RGS12: variants seen among roughly 807,000 people sequenced by gnomAD.
RGS12 encodes the protein regulator of G protein signaling 12.
Under a neutral mutation model 120.1 loss-of-function variants are expected in RGS12, and 66 were observed. That is an observed-to-expected ratio of 0.55 (90% confidence interval 0.45 to 0.67). RGS12 has a LOEUF of 0.67. Among genes scored for constraint, RGS12 ranks in the 30% least tolerant of loss-of-function variants. The pLI, the probability that RGS12 is intolerant of heterozygous loss-of-function variation, is 0.00. For missense variants in RGS12, 1,859 were observed against 1,957.7 expected, an observed-to-expected ratio of 0.95 and a Z score of 0.95; for synonymous variants, 827 against 804.7, an observed-to-expected ratio of 1.03 and a Z score of -0.47.
At chr4:3,424,606 TG>T (rs1723407961) in intron 13 of RGS12, among the ~76,000 whole-genome samples, 2 of 152,162 alleles carry the variant, frequency 1.3e-5, no homozygotes, top group Non-Finnish European at 2.9e-5. Flanking sequence ...GTGGCATGGT[TG>T]GGGGGCACCA....
At chr4:3,352,106 C>A (rs1247058980) in intron 3 of RGS12, among the ~76,000 whole-genome samples, 1 of 152,014 alleles carries the variant, frequency 6.6e-6, no homozygotes, top group African/African-American at 2.4e-5. Flanking sequence ...AACATTAAAC[C>A]GGGTGTGCAG....
chr4:3,301,549 A>G (rs974951262), intron 1 of RGS12, among the ~76,000 whole-genome samples: 5 of 151,934 alleles, frequency 3.3e-5, no homozygotes, highest in Non-Finnish European at 7.4e-5. Flanking sequence ...GGCTAAGGAG[A>G]GGCCCGCCAG....
rs1560182947 is a variant in RGS12, at chr4:3,433,523, CCT to C, written c.4114+2569_4114+2570del. Reference sequence around the variant, plus strand: ...AGCACCACGTGCCATGCCACCCTGTCCTAGCCCCAATGCCACATGCCACACCA... The same window carrying C: ...AGCACCACGTGCCATGCCACCCTGTCAGCCCCAATGCCACATGCCACACCA... On this transcript the variant is annotated intron_variant, in intron 17 of 17. Coordinates refer to ENST00000336727, the MANE Select transcript of RGS12 (RefSeq NM_001394154.1). This position sits in a 1 kb window ranked among gnomAD's most constrained non-coding sequence, Gnocchi z 4.4. 6.9e-6 allele frequency among the ~76,000 whole-genome samples: 1 copy of C among 145,126 alleles called. No individual in the cohort carries two copies. The highest frequency in any genetic ancestry group is 2.1e-4 in the East Asian group (1 of 4,870).
chr4:3,385,974 A>C (rs1718800614), intron 3 of RGS12: 1 of 181,124 alleles, frequency 5.5e-6, no homozygotes, highest in African/African-American at 2.4e-5. Context: ...GGGTGGCGTC[A>C]TGGCACACAG....
Position 3,316,971 on chromosome 4 carries a change from A to G in RGS12, c.801A>G (p.Lys267=), listed in dbSNP as rs1466392615. Residue 267 remains lysine, a synonymous_variant, in exon 2 of 18, where the codon AAA becomes AAG. Coordinates refer to ENST00000336727, the MANE Select transcript of RGS12 (RefSeq NM_001394154.1). Reference sequence around the variant, plus strand: ...TGCGGCGCCTGCGGGCAGAGCAGAAAATCCACTCGCTGGTGACCATGAAGA... The same window carrying G: ...TGCGGCGCCTGCGGGCAGAGCAGAAGATCCACTCGCTGGTGACCATGAAGA... ...GCMRRLRAEQ[K]IHSLVTMKIM... is the part of the protein sequence containing the mutation. The G allele has an allele frequency of 6.2e-7, 1 of 1,613,880 alleles. No homozygotes were observed. Among genetic ancestry groups the G allele is most frequent in the Non-Finnish European group, 8.5e-7 (1 of 1,180,030 alleles).
At chr4:3,292,614 G>A (rs1723089519), upstream of RGS12, among the ~76,000 whole-genome samples, 1 of 152,240 alleles carries the variant, frequency 6.6e-6, no homozygotes, top group South Asian at 2.1e-4. Flanking sequence ...AGACAGCCCA[G>A]GCAGGGGCGG....
rs1010389668 is a variant in RGS12, at chr4:3,372,097, G to A, written c.1999-14319G>A. ...CATCCTGTTTCATAAACCATGTGGCGTCAGGTGTTGCAGGCTCTGACACTA... is the reference window on the plus strand; with the variant it reads ...CATCCTGTTTCATAAACCATGTGGCATCAGGTGTTGCAGGCTCTGACACTA... On this transcript the variant is annotated intron_variant, in intron 3 of 17. Coordinates refer to ENST00000336727, the MANE Select transcript of RGS12 (RefSeq NM_001394154.1). This position sits in a 1 kb window ranked among gnomAD's most constrained non-coding sequence, Gnocchi z 4.3. 3.9e-5 allele frequency among the ~76,000 whole-genome samples: 6 copies of A among 152,194 alleles called. No homozygotes were observed. Among genetic ancestry groups the A allele is most frequent in the Non-Finnish European group, 7.3e-5 (5 of 68,042 alleles).
chr4:3,309,505 GA>G (rs74184934), intron 1 of RGS12, among the ~76,000 whole-genome samples: 23,509 of 114,664 alleles, frequency 0.21, 2,513 homozygotes, highest in South Asian at 0.3. Flanking sequence ...TGGGACCCGG[GA>G]AATGGCAGGT....
chr4:3,377,807 A>C (rs1448045821), intron 3 of RGS12, among the ~76,000 whole-genome samples: 1 of 152,220 alleles, frequency 6.6e-6, no homozygotes, highest in Non-Finnish European at 1.5e-5. Context: ...ACCGAGGAGC[A>C]GAGGTTGTGT....
At chr4:3,429,867 G>C (rs1724060351) in intron 16 of RGS12, among the ~76,000 whole-genome samples, 1 of 152,168 alleles carries the variant, frequency 6.6e-6, no homozygotes, top group South Asian at 2.1e-4. Context: ...CAGTGACCCC[G>C]AGAGGCAGGC....
intron 4 of RGS12, among the ~76,000 whole-genome samples, chr4:3,403,534 A>G (rs1720807491): frequency 6.6e-6 from 1 of 152,220 alleles, no homozygotes; most frequent in Non-Finnish European, 1.5e-5. Context: ...CAGCAGCTTC[A>G]TCTGTAAAAT....
At chr4:3,373,054 A>G (rs934849039) in intron 3 of RGS12, among the ~76,000 whole-genome samples, 2 of 152,200 alleles carry the variant, frequency 1.3e-5, no homozygotes, top group African/African-American at 2.4e-5. Flanking sequence ...GAGACCTGGC[A>G]GCGAGGCTCG....
In RGS12 at chr4:3,415,995, G is replaced by A; in HGVS notation, c.2301G>A (p.Arg767=). 6.2e-7 allele frequency: 1 copy of A among 1,611,532 alleles called. No individual in the cohort carries two copies. The highest frequency in any genetic ancestry group is 8.5e-7 in the Non-Finnish European group (1 of 1,179,026). Reference sequence around the variant, plus strand: ...CCTGTCAGCTTTCCTACAGGGCCCGGGAGATTTTCAGTAAGTTTCTCTGCA... The same window carrying A: ...CCTGTCAGCTTTCCTACAGGGCCCGAGAGATTTTCAGTAAGTTTCTCTGCA... ...HDKKELSYRA[R]EIFSKFLCSK... is the part of the protein sequence containing the mutation. The change falls in exon 7 of 18, where the codon CGG becomes CGA. Residue 767 remains arginine (R), a synonymous_variant. Transcript: ENST00000336727.
intron 6 of RGS12, among the ~76,000 whole-genome samples, chr4:3,415,596 G>T (rs764501958): frequency 6.6e-6 from 1 of 152,218 alleles, no homozygotes; most frequent in African/African-American, 2.4e-5. Context: ...TGTTTCCTCA[G>T]TTGGCCTGTG....
rs770390726 is a variant in RGS12 at position 3,390,204 on chromosome 4, C to G, written c.2020+3767C>G. On this transcript the variant is annotated intron_variant, in intron 4 of 17. Transcript: ENST00000336727. The surrounding 1 kb of genome is among the most constrained non-coding windows in gnomAD (Gnocchi z 4.6). ...CACATGCGGTTTCCCTCTTCCCTTC[C>G]TGACCACCTGCCCCCATCCTGAGCG... is the stretch of plus-strand genomic sequence containing the variant. Among the ~76,000 whole-genome samples, 64 of 152,208 alleles carry G rather than the reference C, an allele frequency of 4.2e-4. No homozygotes were observed. Among genetic ancestry groups the G allele is most frequent in the Admixed American group, 1.6e-3 (24 of 15,284 alleles).
chr4:3,414,175 G>C lies in RGS12; in HGVS notation c.2124G>C (p.Arg708Ser), dbSNP rs1311035849. ...VQSCRRLRER[R>S]VASWAVSFER... ...GCTGCCGGCGCCTGCGTGAGAGGAG[G>C]GTCGCCAGCTGGGCCGTGTCCTTTG... is the stretch of plus-strand genomic sequence containing the variant. The change falls in exon 5 of 18, where the codon AGG (arginine) becomes AGC (serine). Residue 708 changes from arginine to serine, a missense_variant. By Grantham distance (110) the Arg-to-Ser change is moderately radical. Coordinates refer to ENST00000336727, the MANE Select transcript of RGS12 (RefSeq NM_001394154.1). The C allele has an allele frequency of 6.4e-7, 1 of 1,554,268 alleles. No homozygotes were observed. The highest frequency in any genetic ancestry group is 1.9e-5 in the Admixed American group (1 of 52,766).
intron 2 of RGS12, among the ~76,000 whole-genome samples, chr4:3,328,993 C>T (rs1711534191): frequency 6.6e-6 from 1 of 152,146 alleles, no homozygotes; most frequent in South Asian, 2.1e-4. Context: ...CACAGGGTCA[C>T]CTTTAACTCC....
chr4:3,291,928 C>T (rs1176934285), upstream of RGS12, among the ~76,000 whole-genome samples: 3 of 152,360 alleles, frequency 2.0e-5, no homozygotes, highest in Non-Finnish European at 2.9e-5. Flanking sequence ...TGGTTTCCTC[C>T]TGGGATCCAA....
intron 3 of RGS12, among the ~76,000 whole-genome samples, chr4:3,381,964 T>C (rs1470917227): frequency 6.6e-6 from 1 of 152,234 alleles, no homozygotes; most frequent in Non-Finnish European, 1.5e-5. Context: ...GCCACCTGTA[T>C]GTGAAGGCCA....
Sources: allele counts gnomAD v4.1 joint callset (sites outside exome capture counted in the v4.1 genomes callset), GRCh38; gene constraint gnomAD v4.1.1; non-coding constraint Gnocchi (gnomAD v3.1); transcripts MANE v1.5; gene names NCBI Gene and HGNC (gene_info 2026-07-23, HGNC 2026-07-21).